The following RARB variants were observed in gnomAD, a reference collection of about 807,000 sequenced individuals.
RARB encodes HBV-activated protein.
Under a neutral mutation model 51.9 loss-of-function variants are expected in RARB, and 17 were observed. The ratio of observed to expected loss-of-function variants is 0.33; its 90% CI spans 0.22 to 0.49. The LOEUF is 0.49. RARB is among the 20% of genes least tolerant of loss of function. The pLI, the probability that RARB is intolerant of heterozygous loss-of-function variation, is 0.99. For synonymous variants in RARB, 215 were observed against 195.4 expected (o/e 1.10, Z -0.84); for missense variants, 369 against 550.8 (o/e 0.67, Z 3.30).
At chr3:25,066,524 C>T (rs1026058133) in intron 3 of RARB, among the ~76,000 whole-genome samples, 1 of 152,072 alleles carries the variant, frequency 6.6e-6, no homozygotes, top group Non-Finnish European at 1.5e-5. Context: ...ACTCCTGCTC[C>T]TATGTCAGTC....
chr3:25,317,289 G>A (rs1206564911), intron 5 of RARB, among the ~76,000 whole-genome samples: 2 of 152,056 alleles, frequency 1.3e-5, no homozygotes, highest in African/African-American at 2.4e-5. Context: ...AAGGGAGGGA[G>A]AGAGGAAGGA....
At chr3:25,042,749 G>C (rs775792867) in intron 2 of RARB, among the ~76,000 whole-genome samples, 2 of 152,144 alleles carry the variant, frequency 1.3e-5, no homozygotes, top group African/African-American at 4.8e-5. Context: ...CATCCTGTCT[G>C]TTCACTTCCA....
intron 3 of RARB, among the ~76,000 whole-genome samples, chr3:25,532,513 G>A (rs1698970180): frequency 6.6e-6 from 1 of 152,188 alleles, no homozygotes; most frequent in Non-Finnish European, 1.5e-5. Flanking sequence ...AAAGACGGAA[G>A]AGTATTTTAG....
intron 3 of RARB, among the ~76,000 whole-genome samples, chr3:25,081,621 A>ATTTTT (rs1168828068): frequency 2.4e-3 from 14 of 5,800 alleles, no homozygotes; most frequent in East Asian, 6.9e-3. Context: ...ATATATATAT[A>ATTTTT]TTTTTTTTTT....
At chr3:25,204,954 T>G (rs1701498512) in intron 5 of RARB, among the ~76,000 whole-genome samples, 1 of 152,176 alleles carries the variant, frequency 6.6e-6, no homozygotes. Context: ...TTCAAAGCTG[T>G]CAGACAGGGA....
intron 4 of RARB, among the ~76,000 whole-genome samples, chr3:25,165,778 T>C (rs1490296758): frequency 6.6e-6 from 1 of 152,216 alleles, no homozygotes; most frequent in Admixed American, 6.5e-5. Context: ...GGGTTGAGCA[T>C]TGACTCCCTA....
At chr3:24,979,687 T>A (rs9713888) in intron 2 of RARB, among the ~76,000 whole-genome samples, 30,625 of 152,018 alleles carry the variant, frequency 0.2, 3,628 homozygotes, top group East Asian at 0.3. Context: ...GAGATGGGTA[T>A]CCTGAATACA....
intron 5 of RARB, among the ~76,000 whole-genome samples, chr3:25,381,556 C>T (rs763124893): frequency 8.5e-5 from 13 of 152,182 alleles, no homozygotes; most frequent in Non-Finnish European, 1.6e-4. Flanking sequence ...GAGCTATGCA[C>T]GTATTAGCTG....
intron 5 of RARB, among the ~76,000 whole-genome samples, chr3:25,295,397 C>A (rs1703892323): frequency 6.6e-6 from 1 of 152,144 alleles, no homozygotes; most frequent in Non-Finnish European, 1.5e-5. Flanking sequence ...TGAGAAGATA[C>A]CATCTATGAA....
At chr3:25,359,334 T>C (rs1288554127) in intron 5 of RARB, among the ~76,000 whole-genome samples, 1 of 152,160 alleles carries the variant, frequency 6.6e-6, no homozygotes, top group Non-Finnish European at 1.5e-5. Context: ...ATCTCCCCTT[T>C]ATCATTTTTT....
intron 5 of RARB, among the ~76,000 whole-genome samples, chr3:25,423,117 T>G (rs1707903664): frequency 6.6e-6 from 1 of 152,230 alleles, no homozygotes; most frequent in African/African-American, 2.4e-5. Context: ...ACCCCGGTTT[T>G]AGAACAAAAA....
chr3:25,364,764 T>C (rs887681065), intron 5 of RARB, among the ~76,000 whole-genome samples: 1 of 152,208 alleles, frequency 6.6e-6, no homozygotes, highest in Non-Finnish European at 1.5e-5. Context: ...TACCAGCAAT[T>C]CAATATATAA....
chr3:24,878,229 G>A (rs1403311007), intron 2 of RARB, among the ~76,000 whole-genome samples: 1 of 141,606 alleles, frequency 7.1e-6, no homozygotes, highest in Admixed American at 7.0e-5. Context: ...TTTTTTGCTT[G>A]TAGTTTCCTT....
intron 2 of RARB, among the ~76,000 whole-genome samples, chr3:24,936,272 A>G (rs1695546322): frequency 6.6e-6 from 1 of 152,118 alleles, no homozygotes; most frequent in African/African-American, 2.4e-5. Flanking sequence ...CTATTTTACA[A>G]ATTAGTATAT....
chr3:25,251,133 T>G (rs1208060377), intron 5 of RARB, among the ~76,000 whole-genome samples: 1 of 152,182 alleles, frequency 6.6e-6, no homozygotes, highest in East Asian at 1.9e-4. Flanking sequence ...ACCTTGAATA[T>G]GCATTCTTGA....
At chr3:25,349,015 A>G (rs1705480266) in intron 5 of RARB, among the ~76,000 whole-genome samples, 1 of 152,330 alleles carries the variant, frequency 6.6e-6, no homozygotes, top group African/African-American at 2.4e-5. Flanking sequence ...AAATCTCGTT[A>G]GGATCAATGC....
chr3:25,070,917 G>C (rs1238008608), intron 3 of RARB, among the ~76,000 whole-genome samples: 1 of 152,124 alleles, frequency 6.6e-6, no homozygotes, highest in Non-Finnish European at 1.5e-5. Flanking sequence ...CCAGGTATTG[G>C]GGTATTAGCC....
chr3:24,838,107 G>C (rs9831237), intron 1 of RARB, among the ~76,000 whole-genome samples: 10,493 of 152,152 alleles, frequency 0.069, 364 homozygotes, highest in African/African-American at 0.09. Flanking sequence ...TTCCTTGCTG[G>C]CTGTCCGCTG....
chr3:25,120,522 TAAA>T (rs1410996686), intron 3 of RARB, among the ~76,000 whole-genome samples: 2 of 141,822 alleles, frequency 1.4e-5, no homozygotes, highest in Non-Finnish European at 3.1e-5. Flanking sequence ...AATATATATA[TAAA>T]AATCTCTCTC....
Sources: allele counts gnomAD v4.1 joint callset (sites outside exome capture counted in the v4.1 genomes callset), GRCh38; gene constraint gnomAD v4.1.1; transcripts MANE v1.5; gene names NCBI Gene and HGNC (gene_info 2026-07-23, HGNC 2026-07-21).